RSRC1: variants seen among roughly 807,000 people sequenced by gnomAD.
The protein encoded by RSRC1 is arginine and serine rich coiled-coil 1.
A neutral mutation model predicts 49.1 loss-of-function variants in RSRC1; 39 were observed. The ratio of observed to expected loss-of-function variants is 0.79; its 90% CI spans 0.61 to 1.04. The LOEUF (loss-of-function observed/expected upper bound fraction) is 1.04, where lower values mean the gene tolerates loss of function less well. Ranked by LOEUF, RSRC1 falls within the 50% of genes least tolerant of loss-of-function variation. The probability of loss-of-function intolerance (pLI) is 0.00; values close to 1 mark genes in which losing one functional copy is unlikely to be tolerated. For synonymous variants in RSRC1, 143 were observed against 130.8 expected, an observed-to-expected ratio of 1.09 and a Z score of -0.63; for missense variants, 388 against 402.4, an observed-to-expected ratio of 0.96 and a Z score of 0.31.
chr3:158,291,231 T>C (rs951430029), intron 4 of RSRC1, among the ~76,000 whole-genome samples: 9 of 152,190 alleles, frequency 5.9e-5, no homozygotes, highest in Admixed American at 4.6e-4. Context: ...TCATAATTAC[T>C]ATATATGTAC....
chr3:158,492,990 G>C (rs780422574), intron 7 of RSRC1, among the ~76,000 whole-genome samples: 4 of 152,058 alleles, frequency 2.6e-5, no homozygotes, highest in African/African-American at 7.2e-5. Context: ...ATCTTGCTTG[G>C]GAAAGTGGCC....
intron 3 of RSRC1, among the ~76,000 whole-genome samples, chr3:158,161,249 T>C (rs1718199444): frequency 6.6e-6 from 1 of 152,150 alleles, no homozygotes; most frequent in African/African-American, 2.4e-5. Flanking sequence ...CTTGGGTTTG[T>C]CTCCAAGTTG....
At chr3:158,117,648 C>T (rs367552189) in intron 1 of RSRC1, among the ~76,000 whole-genome samples, 7 of 151,742 alleles carry the variant, frequency 4.6e-5, no homozygotes, top group African/African-American at 1.5e-4. Flanking sequence ...TTTTTAAAGA[C>T]AGGATCTCAC....
intron 8 of RSRC1, among the ~76,000 whole-genome samples, chr3:158,542,975 T>C (rs1339093734): frequency 6.6e-6 from 1 of 152,180 alleles, no homozygotes; most frequent in Non-Finnish European, 1.5e-5. Flanking sequence ...ATTTCAATAG[T>C]ATAGGCACGT....
intron 6 of RSRC1, among the ~76,000 whole-genome samples, chr3:158,423,345 ATTGCTTAT>A (rs1260007188): frequency 2.0e-5 from 3 of 152,074 alleles, no homozygotes; most frequent in Non-Finnish European, 4.4e-5. Context: ...TCCTTTCCCC[ATTGCTTAT>A]TTTTCTCAGG....
At chr3:158,160,605 T>C (rs1718159563) in intron 3 of RSRC1, among the ~76,000 whole-genome samples, 1 of 152,172 alleles carries the variant, frequency 6.6e-6, no homozygotes, top group Admixed American at 6.5e-5. Flanking sequence ...AGGGAAGGGC[T>C]CTTTTCTGAT....
intron 5 of RSRC1, among the ~76,000 whole-genome samples, chr3:158,300,301 G>A (rs1052668857): frequency 1.3e-5 from 2 of 152,092 alleles, no homozygotes; most frequent in Non-Finnish European, 2.9e-5. Context: ...TGTTGTAATC[G>A]ACCCACTAAC....
At chr3:158,180,869 A>G (rs184725312) in intron 3 of RSRC1, among the ~76,000 whole-genome samples, 5,734 of 148,676 alleles carry the variant, frequency 0.039, 156 homozygotes, top group Non-Finnish European at 0.058. Flanking sequence ...CAATGGCGCA[A>G]TCTCGGCTTA....
intron 3 of RSRC1, among the ~76,000 whole-genome samples, chr3:158,199,026 G>T (rs1343993766): frequency 6.6e-6 from 1 of 152,266 alleles, no homozygotes; most frequent in East Asian, 1.9e-4. Context: ...ATTTCCACGT[G>T]TGGTGGGAGG....
chr3:158,498,586 T>C (rs1242238335), intron 7 of RSRC1, among the ~76,000 whole-genome samples: 1 of 152,206 alleles, frequency 6.6e-6, no homozygotes, highest in African/African-American at 2.4e-5. Context: ...AAGTCCCAAC[T>C]ATTTATCTTT....
At chr3:158,201,058 C>T (rs1206737127) in intron 3 of RSRC1, among the ~76,000 whole-genome samples, 1 of 152,026 alleles carries the variant, frequency 6.6e-6, no homozygotes, top group Non-Finnish European at 1.5e-5. Flanking sequence ...TATTTGTTTA[C>T]TTTTCCTTTG....
chr3:158,164,883 AG>A (rs1284134921), intron 3 of RSRC1, among the ~76,000 whole-genome samples: 1 of 152,212 alleles, frequency 6.6e-6, no homozygotes, highest in Non-Finnish European at 1.5e-5. Context: ...TTATAAAAAA[AG>A]ATAGATGCAC....
At chr3:158,493,589 T>A (rs1389334894) in intron 7 of RSRC1, among the ~76,000 whole-genome samples, 5 of 152,216 alleles carry the variant, frequency 3.3e-5, no homozygotes, top group African/African-American at 1.2e-4. Flanking sequence ...GAGCTAAGAA[T>A]AATTCACATA....
intron 4 of RSRC1, among the ~76,000 whole-genome samples, chr3:158,231,076 A>G (rs1365159606): frequency 2.0e-5 from 3 of 149,892 alleles, no homozygotes. Flanking sequence ...TCCTGTAGTT[A>G]GCCTAAATCT....
At chr3:158,430,076 A>AAAT (rs1735698974) in intron 6 of RSRC1, among the ~76,000 whole-genome samples, 4 of 149,672 alleles carry the variant, frequency 2.7e-5, no homozygotes, top group Admixed American at 2.7e-4. Context: ...CACACACAAA[A>AAAT]AAAATAAAAT....
At chr3:158,392,350 CT>C (rs1004036095) in intron 6 of RSRC1, among the ~76,000 whole-genome samples, 17 of 151,984 alleles carry the variant, frequency 1.1e-4, no homozygotes, top group African/African-American at 3.4e-4. Context: ...TCCTTTAACA[CT>C]TTTTTGTGAA....
At chr3:158,270,998 C>T (rs1298971422) in intron 4 of RSRC1, among the ~76,000 whole-genome samples, 1 of 152,004 alleles carries the variant, frequency 6.6e-6, no homozygotes, top group East Asian at 1.9e-4. Context: ...AAGACTTCTC[C>T]CTTTTATAAA....
chr3:158,233,951 C>T (rs1319649753), intron 4 of RSRC1, among the ~76,000 whole-genome samples: 1 of 152,146 alleles, frequency 6.6e-6, no homozygotes, highest in Non-Finnish European at 1.5e-5. Context: ...AACCTGCTGT[C>T]TGCAAAGGCT....
At chr3:158,413,902 T>C (rs1301674693) in intron 6 of RSRC1, among the ~76,000 whole-genome samples, 1 of 152,152 alleles carries the variant, frequency 6.6e-6, no homozygotes, top group Non-Finnish European at 1.5e-5. Flanking sequence ...GTAAATTAGT[T>C]CAACCATTGT....
Sources: gnomAD v4.1 joint callset for allele counts (sites outside exome capture counted in the v4.1 genomes callset) on GRCh38, gnomAD v4.1.1 for gene constraint, MANE v1.5 for transcripts, NCBI Gene and HGNC (gene_info 2026-07-23, HGNC 2026-07-21) for gene names.